SPECC1: variants seen among roughly 807,000 people sequenced by gnomAD.
SPECC1 encodes the protein sperm antigen with calponin homology and coiled-coil domains 1.
Under a neutral mutation model 104.1 loss-of-function variants are expected in SPECC1, and 62 were observed. The observed-to-expected ratio is 0.60, with a 90% CI of 0.49 to 0.74. The LOEUF (loss-of-function observed/expected upper bound fraction) is 0.74. Ranked by LOEUF, SPECC1 falls within the 30% of genes least tolerant of loss-of-function variation. SPECC1 has a pLI of 0.00. For synonymous variants in SPECC1, 513 were observed against 501.6 expected (o/e 1.02, Z -0.30); for missense variants, 1,306 against 1,310.5 (o/e 1.00, Z 0.05).
At chr17:20,304,508 T>C (rs1457020515) in intron 13 of SPECC1, among the ~76,000 whole-genome samples, 1 of 152,096 alleles carries the variant, frequency 6.6e-6, no homozygotes, top group South Asian at 2.1e-4. Context: ...AGCCACACAC[T>C]AGGGCTGAAT....
chr17:20,216,016 C>T (rs2037466000), intron 4 of SPECC1, among the ~76,000 whole-genome samples: 1 of 152,210 alleles, frequency 6.6e-6, no homozygotes, highest in African/African-American at 2.4e-5. Flanking sequence ...CAGCTTCTCA[C>T]AAGGGCTTGC....
intron 2 of SPECC1, among the ~76,000 whole-genome samples, chr17:20,107,144 C>CAAAAAAAAAAAAAAAA (rs531912350): frequency 1.4e-3 from 92 of 68,126 alleles, no homozygotes; most frequent in East Asian, 0.011. Context: ...ACTCGTGTCT[C>CAAAAAAAAAAAAAAAA]AAAAAAAAAA....
intron 12 of SPECC1, among the ~76,000 whole-genome samples, chr17:20,280,754 A>T (rs1337559671): frequency 6.6e-6 from 1 of 152,226 alleles, no homozygotes; most frequent in African/African-American, 2.4e-5. Flanking sequence ...TGGCTGTCGT[A>T]TGGGGCAATG....
At chr17:20,262,251 A>G (rs1178971306) in intron 12 of SPECC1, among the ~76,000 whole-genome samples, 2 of 152,174 alleles carry the variant, frequency 1.3e-5, no homozygotes, top group African/African-American at 2.4e-5. Flanking sequence ...GCTATTATGA[A>G]TAACGCTGTT....
chr17:20,118,573 T>TA (rs2048876397), intron 3 of SPECC1, among the ~76,000 whole-genome samples: 1 of 152,210 alleles, frequency 6.6e-6, no homozygotes, highest in African/African-American at 2.4e-5. Context: ...GCATATGGTA[T>TA]AACCTTAATT....
intron 3 of SPECC1, among the ~76,000 whole-genome samples, chr17:20,132,998 C>T (rs2049734813): frequency 6.6e-6 from 1 of 152,124 alleles, no homozygotes; most frequent in African/African-American, 2.4e-5. Context: ...CTCGGCCTCC[C>T]GAAGTTCTGG....
At chr17:20,049,495 A>G (rs1417553364) in intron 1 of SPECC1, among the ~76,000 whole-genome samples, 2 of 152,192 alleles carry the variant, frequency 1.3e-5, no homozygotes, top group Non-Finnish European at 2.9e-5. Context: ...CTACCTGTTC[A>G]TTACCTGTCA....
At chr17:20,115,390 T>C (rs2048705499) in intron 3 of SPECC1, among the ~76,000 whole-genome samples, 2 of 152,050 alleles carry the variant, frequency 1.3e-5, no homozygotes, top group African/African-American at 2.4e-5. Flanking sequence ...GGAGAATCAC[T>C]TGAACCCGGG....
At chr17:20,091,807 C>T (rs1011296929) in intron 1 of SPECC1, among the ~76,000 whole-genome samples, 2 of 152,146 alleles carry the variant, frequency 1.3e-5, no homozygotes, top group African/African-American at 4.8e-5. Flanking sequence ...CCCTGAGTGC[C>T]CTCTCCCACT....
rs530918217 is a variant in SPECC1, at chr17:20,186,890, T to C, written c.284-17443T>C. On this transcript the variant is annotated intron_variant, in intron 3 of 14. Coordinates refer to ENST00000395527, the MANE Select transcript of SPECC1 (RefSeq NM_001243439.2). ...AGCCTGGCCAATTTTTGTTTTTAAT[T>C]GTTGCCTGATGTCCCCTGCTGGGTC... Among the ~76,000 whole-genome samples, 5 of 152,304 alleles carry C rather than the reference T, an allele frequency of 3.3e-5. No individual in the cohort carries two copies. The South Asian group carries it at 1.0e-3, about 32-fold the overall frequency.
Position 20,110,477 on chromosome 17 carries a change from T to C in SPECC1, c.198T>C (p.Ala66=), listed in dbSNP as rs2048431474. ...CGCTCAACAAGCCAGGAAGTACCGC[T>C]GCATCGGGGGTGGTTCGCCTGAAGA... ...EDTLNKPGST[A]ASGVVRLKKT... is the part of the protein sequence containing the mutation. The change falls in exon 3 of 15, where the codon GCT becomes GCC. Residue 66 remains alanine (A), a synonymous_variant. Transcript: ENST00000395527. 6.2e-7 allele frequency: 1 copy of C among 1,614,010 alleles called. No homozygotes were observed. The highest frequency in any genetic ancestry group is 1.3e-5 in the African/African-American group (1 of 75,044).
At chr17:20,023,156 T>G (rs2044462778) in intron 1 of SPECC1, among the ~76,000 whole-genome samples, 1 of 152,194 alleles carries the variant, frequency 6.6e-6, no homozygotes, top group African/African-American at 2.4e-5. Context: ...GTGTGTTCCC[T>G]TGGAACTACT....
At chr17:20,039,358 C>G (rs1354587146) in intron 1 of SPECC1, among the ~76,000 whole-genome samples, 1 of 152,092 alleles carries the variant, frequency 6.6e-6, no homozygotes, top group Non-Finnish European at 1.5e-5. Context: ...TGTTGAATCT[C>G]CAAGCAGAAT....
At chr17:20,153,269 T>C (rs2032178761) in intron 3 of SPECC1, among the ~76,000 whole-genome samples, 2 of 152,140 alleles carry the variant, frequency 1.3e-5, no homozygotes, top group African/African-American at 4.8e-5. Flanking sequence ...TGCTGTAATA[T>C]AAGTTGGGAG....
intron 1 of SPECC1, among the ~76,000 whole-genome samples, chr17:20,016,970 G>A (rs555174929): frequency 3.0e-4 from 45 of 152,290 alleles, no homozygotes; most frequent in African/African-American, 1.1e-3. Flanking sequence ...TCTAGCTCAG[G>A]GATTGTAAAC....
At chr17:20,235,138 T>C (rs1414759829) in intron 7 of SPECC1, among the ~76,000 whole-genome samples, 1 of 152,126 alleles carries the variant, frequency 6.6e-6, no homozygotes, top group Non-Finnish European at 1.5e-5. Flanking sequence ...TCTGGACTGG[T>C]TGGTTAGCTG....
chr17:20,254,978 A>G (rs2039771369), intron 10 of SPECC1, among the ~76,000 whole-genome samples: 1 of 152,178 alleles, frequency 6.6e-6, no homozygotes, highest in Admixed American at 6.5e-5. Context: ...CGAGTTTTAC[A>G]TGGGAGAGAT....
intron 4 of SPECC1, among the ~76,000 whole-genome samples, chr17:20,222,086 C>T (rs1285487803): frequency 6.6e-6 from 1 of 150,554 alleles, no homozygotes; most frequent in African/African-American, 2.5e-5. Flanking sequence ...GTAATCCCAG[C>T]GCTTTGGGAG....
chr17:20,078,883 C>G (rs1407709693), intron 1 of SPECC1, among the ~76,000 whole-genome samples: 1 of 152,150 alleles, frequency 6.6e-6, no homozygotes, highest in East Asian at 1.9e-4. Context: ...TTTCCTCTTG[C>G]TAGATATACT....
Sources: gnomAD v4.1 joint callset for allele counts (sites outside exome capture counted in the v4.1 genomes callset) on GRCh38, gnomAD v4.1.1 for gene constraint, MANE v1.5 for transcripts, NCBI Gene and HGNC (gene_info 2026-07-23, HGNC 2026-07-21) for gene names.